GABRA2: variants seen among roughly 807,000 people sequenced by gnomAD.
The protein encoded by GABRA2 is gamma-aminobutyric acid receptor subunit alpha-2.
In GABRA2, 16 loss-of-function variants were observed where a neutral mutation model predicts 48.7. The observed-to-expected ratio is 0.33, with a 90% confidence interval of 0.22 to 0.50. The LOEUF (loss-of-function observed/expected upper bound fraction) is 0.50, where lower values mean the gene tolerates loss of function less well. Ranked by LOEUF, GABRA2 falls within the 20% of genes least tolerant of loss-of-function variation. The pLI is 0.98. For missense variants in GABRA2, 275 were observed against 535.6 expected (o/e 0.51, Z 4.80); for synonymous variants, 185 against 184.5 (o/e 1.00, Z -0.02).
chr4:46,382,565 G>A (rs373143004), intron 3 of GABRA2, among the ~76,000 whole-genome samples: 1 of 152,088 alleles, frequency 6.6e-6, no homozygotes, highest in African/African-American at 2.4e-5. Flanking sequence ...CCATTGCAAG[G>A]ATCTGAGCAG....
chr4:46,357,348 T>C (rs1282348068), intron 3 of GABRA2, among the ~76,000 whole-genome samples: 1 of 149,810 alleles, frequency 6.7e-6, no homozygotes, highest in African/African-American at 2.5e-5. Flanking sequence ...GGTCTTATTA[T>C]AGGCCCCATA....
chr4:46,258,570 T>C (rs505474), intron 9 of GABRA2, among the ~76,000 whole-genome samples: 75,980 of 151,570 alleles, frequency 0.5, 20,348 homozygotes, highest in South Asian at 0.76. Flanking sequence ...CAGAATTGAC[T>C]GTCTTTAGGG....
At chr4:46,304,789 G>A (rs1330423841) in intron 7 of GABRA2, among the ~76,000 whole-genome samples, 1 of 151,674 alleles carries the variant, frequency 6.6e-6, no homozygotes, top group Non-Finnish European at 1.5e-5. Flanking sequence ...TTAGCTCAGC[G>A]TGGTGGTGCG....
chr4:46,307,467 A>G (rs887130216), intron 6 of GABRA2, among the ~76,000 whole-genome samples: 2 of 151,472 alleles, frequency 1.3e-5, no homozygotes, highest in South Asian at 4.2e-4. Flanking sequence ...GCGGAACGAC[A>G]TCACTTTTGA....
chr4:46,294,744 C>T (rs973982070), intron 8 of GABRA2, among the ~76,000 whole-genome samples: 1 of 152,080 alleles, frequency 6.6e-6, no homozygotes, highest in Non-Finnish European at 1.5e-5. Flanking sequence ...CAGATAACTA[C>T]TCTTTTTTTT....
chr4:46,387,374 A>G (rs1353163163), intron 2 of GABRA2, among the ~76,000 whole-genome samples: 1 of 152,224 alleles, frequency 6.6e-6, no homozygotes, highest in African/African-American at 2.4e-5. Context: ...CATTTAAATG[A>G]TTACACACCT....
Position 46,244,096 on chromosome 4 carries a change from G to A in GABRA2, c.*6212C>T, listed in dbSNP as rs796773404. 3 of 151,570 alleles carry A rather than the reference G, an allele frequency of 2.0e-5. No individual in the cohort carries two copies. The highest frequency in any genetic ancestry group is 7.2e-5 in the African/African-American group (3 of 41,498). 9.4% of individuals were successfully genotyped at this position (151,570 alleles called of 1,614,324 possible). A position where few individuals can be genotyped will look rare whatever the true frequency, so the allele number is the denominator to read the frequency against. ...TAGTGCAGGCACCCAAGATTAACAA[G>A]CAATAAGGACTTAACTGTGGATGGT... On this transcript the variant is annotated 3_prime_UTR_variant, in exon 10 of 10. Coordinates refer to ENST00000381620, the MANE Select transcript of GABRA2 (RefSeq NM_000807.4).
chr4:46,384,372 G>T (rs566664674), intron 3 of GABRA2, among the ~76,000 whole-genome samples: 1 of 152,306 alleles, frequency 6.6e-6, no homozygotes, highest in South Asian at 2.1e-4. Context: ...TTCATGTATT[G>T]CATTAACCTA....
rs138046097 is a variant in GABRA2, at chr4:46,362,977, T to C, written c.187+23097A>G. 8.2e-3 allele frequency among the ~76,000 whole-genome samples: 1,244 copies of C among 152,318 alleles called. 16 individuals carry two copies. Among genetic ancestry groups the C allele is most frequent in the African/African-American group, 0.028 (1,155 of 41,572 alleles). ...ATCAGGGCATGTACAATAGTAAATA[T>C]AATTCAAATCTTTCCTATTTAAGTA... is the stretch of plus-strand genomic sequence containing the variant. On this transcript the variant is annotated intron_variant, in intron 3 of 9. Coordinates refer to ENST00000381620, the MANE Select transcript of GABRA2 (RefSeq NM_000807.4).
chr4:46,291,796 T>TATATATATATATATATAC (rs1292821999), intron 8 of GABRA2, among the ~76,000 whole-genome samples: 2 of 150,192 alleles, frequency 1.3e-5, no homozygotes, highest in Non-Finnish European at 3.0e-5. Context: ...TATATACATA[T>TATATATATATATATATAC]ACATATATAT....
At chr4:46,329,625 T>C (rs563786993) in intron 4 of GABRA2, among the ~76,000 whole-genome samples, 3 of 152,292 alleles carry the variant, frequency 2.0e-5, no homozygotes, top group African/African-American at 7.2e-5. Flanking sequence ...GAAGTAGATA[T>C]TCTATCTGCA....
intron 8 of GABRA2, among the ~76,000 whole-genome samples, chr4:46,264,441 G>A (rs902141448): frequency 6.6e-5 from 10 of 151,936 alleles, no homozygotes; most frequent in African/African-American, 9.7e-5. Flanking sequence ...AGGTATGATT[G>A]TTTGCATTTT....
intron 3 of GABRA2, among the ~76,000 whole-genome samples, chr4:46,344,447 G>T (rs1184751998): frequency 6.6e-6 from 1 of 151,848 alleles, no homozygotes; most frequent in East Asian, 1.9e-4. Flanking sequence ...CTAAAGAGAT[G>T]TTCAAAAAGC....
rs1200925957 is a variant in GABRA2, at chr4:46,246,603, C to T, written c.*3705G>A. On this transcript the variant is annotated 3_prime_UTR_variant, in exon 10 of 10. Transcript: ENST00000381620. Reference sequence around the variant, plus strand: ...GTAGCAATGAGTCAGGTAGTAATCCCCTTAAAATTCTGAATGTTTTCATAT... The same window carrying T: ...GTAGCAATGAGTCAGGTAGTAATCCTCTTAAAATTCTGAATGTTTTCATAT... Among the ~76,000 whole-genome samples, 1 of 150,968 alleles carries T rather than the reference C, an allele frequency of 6.6e-6. No homozygotes were observed. Among genetic ancestry groups the T allele is most frequent in the African/African-American group, 2.4e-5 (1 of 41,258 alleles).
chr4:46,379,425 C>A (rs1386735698), intron 3 of GABRA2, among the ~76,000 whole-genome samples: 2 of 152,172 alleles, frequency 1.3e-5, no homozygotes, highest in Admixed American at 1.3e-4. Flanking sequence ...TAGGAAATGA[C>A]AAATAACTTG....
At chr4:46,254,014 T>C (rs927156991) in intron 9 of GABRA2, among the ~76,000 whole-genome samples, 1 of 151,572 alleles carries the variant, frequency 6.6e-6, no homozygotes, top group Non-Finnish European at 1.5e-5. Flanking sequence ...TCTAAGATCT[T>C]CTAAAGCAGA....
chr4:46,294,102 T>C (rs1382625598), intron 8 of GABRA2, among the ~76,000 whole-genome samples: 1 of 152,214 alleles, frequency 6.6e-6, no homozygotes, highest in African/African-American at 2.4e-5. Context: ...ACCCCTTTAC[T>C]TTCCTACATC....
At chr4:46,384,358 C>T (rs1394667558) in intron 3 of GABRA2, among the ~76,000 whole-genome samples, 7 of 152,136 alleles carry the variant, frequency 4.6e-5, no homozygotes, top group Non-Finnish European at 7.4e-5. Flanking sequence ...TCAAGAAAAG[C>T]CACTTCATGT....
At chr4:46,287,045 C>A (rs553284747) in intron 8 of GABRA2, among the ~76,000 whole-genome samples, 7 of 152,000 alleles carry the variant, frequency 4.6e-5, no homozygotes, top group African/African-American at 1.4e-4. Flanking sequence ...GAAGATTTAT[C>A]CTTATTTTTT....
Sources: allele counts gnomAD v4.1 joint callset (sites outside exome capture counted in the v4.1 genomes callset), GRCh38; gene constraint gnomAD v4.1.1; transcripts MANE v1.5; gene names NCBI Gene and HGNC (gene_info 2026-07-23, HGNC 2026-07-21).